Variants in DCDC1 observed in about 807,000 individuals in gnomAD.
DCDC1 encodes the protein doublecortin domain containing 1.
Under a neutral mutation model 178.3 loss-of-function variants are expected in DCDC1, and 200 were observed. The observed-to-expected ratio is 1.12, with a 90% CI of 1.00 to 1.26. The LOEUF (loss-of-function observed/expected upper bound fraction) is 1.26. Among genes scored for constraint, DCDC1 ranks in the 50% most tolerant of loss-of-function variants. The probability of loss-of-function intolerance (pLI) is 0.00; values close to 1 mark genes in which losing one functional copy is unlikely to be tolerated. For synonymous variants in DCDC1, 690 were observed against 604.8 expected (o/e 1.14, Z -2.07); for missense variants, 1,983 against 1,749.2 (o/e 1.13, Z -2.38).
At chr11:31,146,882 A>G (rs1964511219) in intron 9 of DCDC1, among the ~76,000 whole-genome samples, 1 of 152,166 alleles carries the variant, frequency 6.6e-6, no homozygotes, top group African/African-American at 2.4e-5. Flanking sequence ...GACCTAGGAC[A>G]CATGAAAACC....
intron 20 of DCDC1, among the ~76,000 whole-genome samples, chr11:31,064,148 G>A (rs1485872363): frequency 6.6e-6 from 1 of 151,962 alleles, no homozygotes; most frequent in African/African-American, 2.4e-5. Context: ...AACATAGCTT[G>A]GTATTTTAAC....
At chr11:31,219,106 C>T (rs111805548) in intron 9 of DCDC1, among the ~76,000 whole-genome samples, 280 of 152,076 alleles carry the variant, frequency 1.8e-3, no homozygotes, top group Middle Eastern at 0.017. Flanking sequence ...CACACTCTCA[C>T]ATACATACAC....
intron 20 of DCDC1, among the ~76,000 whole-genome samples, chr11:31,052,234 A>G (rs111899098): frequency 6.6e-6 from 1 of 152,326 alleles, no homozygotes; most frequent in African/African-American, 2.4e-5. Flanking sequence ...CTTTAAAGCA[A>G]CAGCGGTTAA....
chr11:31,204,817 A>G (rs1406829581), intron 9 of DCDC1, among the ~76,000 whole-genome samples: 1 of 152,198 alleles, frequency 6.6e-6, no homozygotes, highest in Non-Finnish European at 1.5e-5. Flanking sequence ...GCAAGACTCC[A>G]TCTCAAAAAC....
intron 9 of DCDC1, among the ~76,000 whole-genome samples, chr11:31,171,348 A>T (rs1435870803): frequency 6.6e-6 from 1 of 152,208 alleles, no homozygotes; most frequent in African/African-American, 2.4e-5. Flanking sequence ...ACATGAAAAA[A>T]AAAAATGTGG....
intron 1 of DCDC1, among the ~76,000 whole-genome samples, chr11:31,352,750 C>T (rs763331226): frequency 5.9e-5 from 9 of 152,094 alleles, no homozygotes; most frequent in Non-Finnish European, 1.3e-4. Flanking sequence ...AAAACAAATA[C>T]TCAGAATCTG....
chr11:31,274,701 T>A (rs1302216569), intron 7 of DCDC1, among the ~76,000 whole-genome samples: 1 of 15,508 alleles, frequency 6.4e-5, no homozygotes, highest in East Asian at 0.045. Flanking sequence ...ACAAATGTCT[T>A]TTTTTTTTTT....
chr11:30,911,342 A>C lies in DCDC1; in HGVS notation c.3732T>G (p.Tyr1244Ter). ...MTKTRNEVCG[Y>*]PVIVQKYKPY... ...CATATCTTACCTGAACAATAACTGGATAGCCACAAACTTCATTTCTAGTCT... is the reference window on the plus strand; with the variant it reads ...CATATCTTACCTGAACAATAACTGGCTAGCCACAAACTTCATTTCTAGTCT... Residue 1244 changes from tyrosine (Y) to a stop codon, truncating the protein, a stop_gained, in exon 28 of 39, where the codon TAT (tyrosine) becomes TAG (stop). Transcript: ENST00000684477. LOFTEE classifies it high-confidence loss of function. 1 of 1,603,914 alleles carries C rather than the reference A, an allele frequency of 6.2e-7. No individual in the cohort carries two copies.
chr11:31,115,706 G>A (rs1225972297), intron 11 of DCDC1, among the ~76,000 whole-genome samples: 1 of 152,094 alleles, frequency 6.6e-6, no homozygotes, highest in African/African-American at 2.4e-5. Context: ...AGATTTGCCT[G>A]CAGGAAGTTT....
chr11:31,301,817 G>T (rs1948135281), intron 6 of DCDC1, among the ~76,000 whole-genome samples: 1 of 152,114 alleles, frequency 6.6e-6, no homozygotes, highest in African/African-American at 2.4e-5. Context: ...TCAATCACAA[G>T]CTGTCATAGC....
chr11:31,330,733 CTCTGT>C (rs1949932044), intron 2 of DCDC1, among the ~76,000 whole-genome samples: 1 of 152,082 alleles, frequency 6.6e-6, no homozygotes, highest in Non-Finnish European at 1.5e-5. Context: ...CTTCTGAGGC[CTCTGT>C]TCTGTTCCAT....
intron 11 of DCDC1, among the ~76,000 whole-genome samples, chr11:31,116,895 A>G (rs1960050854): frequency 6.6e-6 from 1 of 152,076 alleles, no homozygotes; most frequent in South Asian, 2.1e-4. Flanking sequence ...AGCCCAGAAA[A>G]GGCATACCAA....
At chr11:31,112,817 G>T (rs1257840146) in intron 11 of DCDC1, among the ~76,000 whole-genome samples, 1 of 152,098 alleles carries the variant, frequency 6.6e-6, no homozygotes, top group African/African-American at 2.4e-5. Flanking sequence ...TAACACCGAA[G>T]TTTCATTGTA....
intron 9 of DCDC1, among the ~76,000 whole-genome samples, chr11:31,145,605 G>C (rs866689782): frequency 1.3e-5 from 2 of 152,194 alleles, no homozygotes; most frequent in African/African-American, 4.8e-5. Flanking sequence ...AGAAAATGTG[G>C]TTCTTCTCTT....
At chr11:31,010,994 T>A (rs1221962969) in intron 20 of DCDC1, among the ~76,000 whole-genome samples, 1 of 152,086 alleles carries the variant, frequency 6.6e-6, no homozygotes, top group Admixed American at 6.5e-5. Context: ...AATAAGTAGA[T>A]CAATGGAAAA....
intron 9 of DCDC1, among the ~76,000 whole-genome samples, chr11:31,158,507 T>C (rs1965975123): frequency 6.6e-6 from 1 of 152,172 alleles, no homozygotes; most frequent in Non-Finnish European, 1.5e-5. Flanking sequence ...GTATTATTTA[T>C]CCAAAATCTC....
At chr11:31,302,902 T>C (rs967190389) in intron 6 of DCDC1, among the ~76,000 whole-genome samples, 1 of 152,236 alleles carries the variant, frequency 6.6e-6, no homozygotes, top group Non-Finnish European at 1.5e-5. Context: ...AGTATAGATA[T>C]ATAATTGCCA....
At chr11:31,168,163 G>A (rs1205821162) in intron 9 of DCDC1, among the ~76,000 whole-genome samples, 1 of 152,068 alleles carries the variant, frequency 6.6e-6, no homozygotes, top group Admixed American at 6.6e-5. Flanking sequence ...CCCATTTGAT[G>A]TACCCACTCT....
At chr11:30,898,395 T>C (rs1039156721) in intron 34 of DCDC1, among the ~76,000 whole-genome samples, 1 of 152,182 alleles carries the variant, frequency 6.6e-6, no homozygotes, top group Admixed American at 6.5e-5. Context: ...ACTTGGATAA[T>C]GATATATAGC....
Sources: gnomAD v4.1 joint callset for allele counts (sites outside exome capture counted in the v4.1 genomes callset) on GRCh38, gnomAD v4.1.1 for gene constraint, MANE v1.5 for transcripts, NCBI Gene and HGNC (gene_info 2026-07-23, HGNC 2026-07-21) for gene names.